Variants in LOC400499 observed in about 807,000 individuals in gnomAD.
chr16:11,377,945 T>C, the LOC400499 span, among the ~76,000 whole-genome samples: 2 of 152,346 alleles, frequency 1.3e-5, no homozygotes, highest in South Asian at 2.1e-4. Flanking sequence ...AAGTTTTTGG[T>C]CTCTGATTCA....
the LOC400499 span, among the ~76,000 whole-genome samples, chr16:11,443,122 G>C: frequency 6.6e-6 from 1 of 151,870 alleles, no homozygotes; most frequent in Admixed American, 6.6e-5. Context: ...TCAGGAGCTC[G>C]AGACCAGCCT....
the LOC400499 span, chr16:11,469,167 G>C: frequency 4.4e-3 from 1,748 of 399,538 alleles, 27 homozygotes; most frequent in African/African-American, 0.032. Flanking sequence ...CTAGGGTGTG[G>C]AGCAAACCTT....
the LOC400499 span, among the ~76,000 whole-genome samples, chr16:11,377,635 TG>T: frequency 6.6e-6 from 1 of 152,380 alleles, no homozygotes; most frequent in Non-Finnish European, 1.5e-5. Flanking sequence ...TAACCATCTT[TG>T]CATTCCAGGA....
the LOC400499 span, chr16:11,484,967 G>A: frequency 3.3e-5 from 13 of 399,170 alleles, no homozygotes; most frequent in Admixed American, 1.8e-4. Context: ...TTCTGGCCCT[G>A]GGGGTTCCTC....
the LOC400499 span, chr16:11,478,414 G>A: frequency 1.0e-5 from 4 of 397,820 alleles, no homozygotes; most frequent in Non-Finnish European, 1.8e-5. Flanking sequence ...CTTCGAGGAG[G>A]TAAACGGAAG....
chr16:11,405,166 A>G, the LOC400499 span, among the ~76,000 whole-genome samples: 2 of 152,322 alleles, frequency 1.3e-5, no homozygotes, highest in Admixed American at 1.3e-4. Flanking sequence ...TCTGAGCCTC[A>G]GTTTCCTAGA....
At chr16:11,406,679 G>A in the LOC400499 span, among the ~76,000 whole-genome samples, 10 of 152,308 alleles carry the variant, frequency 6.6e-5, no homozygotes, top group South Asian at 2.1e-4. Context: ...TCATCCACCC[G>A]CCTCGGCCTC....
At chr16:11,453,343 A>G in the LOC400499 span, among the ~76,000 whole-genome samples, 1 of 152,180 alleles carries the variant, frequency 6.6e-6, no homozygotes, top group African/African-American at 2.4e-5. Flanking sequence ...CAGGGTAACC[A>G]ATATTTTGAG....
chr16:11,425,019 G>A, the LOC400499 span: 1 of 397,766 alleles, frequency 2.5e-6, no homozygotes, highest in African/African-American at 2.1e-5. Context: ...AAGAAATGAA[G>A]CTGGAATGTG....
the LOC400499 span, among the ~76,000 whole-genome samples, chr16:11,498,505 T>TAAA: frequency 0.62 from 94,019 of 151,316 alleles, 29,549 homozygotes; most frequent in Admixed American, 0.72. Flanking sequence ...GATTAAATAA[T>TAAA]TAAATAAATA....
chr16:11,481,495 G>A, the LOC400499 span, among the ~76,000 whole-genome samples: 46 of 152,142 alleles, frequency 3.0e-4, no homozygotes, highest in African/African-American at 1.1e-3. Flanking sequence ...GCTAATTTTT[G>A]TATTTTCAGT....
chr16:11,403,842 C>T, the LOC400499 span, among the ~76,000 whole-genome samples: 1 of 152,140 alleles, frequency 6.6e-6, no homozygotes, highest in African/African-American at 2.4e-5. Flanking sequence ...ACCACAACTG[C>T]CCAGGGATGC....
At chr16:11,452,979 T>C in the LOC400499 span, among the ~76,000 whole-genome samples, 7 of 152,364 alleles carry the variant, frequency 4.6e-5, no homozygotes, top group African/African-American at 1.7e-4. Context: ...TGAGGGCTTC[T>C]AGTCATTTTA....
At chr16:11,507,622 T>G in the LOC400499 span, among the ~76,000 whole-genome samples, 1 of 152,188 alleles carries the variant, frequency 6.6e-6, no homozygotes. Flanking sequence ...GAGCATACAC[T>G]AAGTGCTCAA....
At chr16:11,467,728 T>A in the LOC400499 span, among the ~76,000 whole-genome samples, 18 of 152,226 alleles carry the variant, frequency 1.2e-4, no homozygotes, top group Non-Finnish European at 2.2e-4. Context: ...ACTCACCTGA[T>A]AGACAAAATA....
At chr16:11,464,438 T>C in the LOC400499 span, among the ~76,000 whole-genome samples, 2 of 152,230 alleles carry the variant, frequency 1.3e-5, no homozygotes, top group Admixed American at 6.5e-5. Context: ...AGAACACTAG[T>C]TGTAAATGTG....
chr16:11,452,454 C>T, the LOC400499 span, among the ~76,000 whole-genome samples: 5,464 of 152,242 alleles, frequency 0.036, 185 homozygotes, highest in East Asian at 0.17. Flanking sequence ...GCTGACCACA[C>T]GCGGGGTTCA....
At chr16:11,484,665 G>A in the LOC400499 span, among the ~76,000 whole-genome samples, 1 of 152,130 alleles carries the variant, frequency 6.6e-6, no homozygotes, top group African/African-American at 2.4e-5. Context: ...ACAACTTAGG[G>A]ACTTTTCCAT....
the LOC400499 span, chr16:11,491,672 C>CCCCA: frequency 2.7e-6 from 1 of 368,052 alleles, no homozygotes; most frequent in Non-Finnish European, 4.8e-6. Flanking sequence ...CCTGCCCACA[C>CCCCA]CCCTCCCACA....
Sources: gnomAD v4.1 joint callset for allele counts (sites outside exome capture counted in the v4.1 genomes callset) on GRCh38, gnomAD v4.1.1 for gene constraint, MANE v1.5 for transcripts.